MAP4K5: variants seen among roughly 807,000 people sequenced by gnomAD.
The protein encoded by MAP4K5 is MAPK/ERK kinase kinase kinase 5.
Under a neutral mutation model 135.6 loss-of-function variants are expected in MAP4K5, and 82 were observed. The observed-to-expected ratio is 0.60, with a 90% CI of 0.51 to 0.73. The LOEUF (loss-of-function observed/expected upper bound fraction) is 0.73, where lower values mean the gene tolerates loss of function less well. MAP4K5 is among the 30% of genes least tolerant of loss of function. The pLI is 0.00. For synonymous variants in MAP4K5, 347 were observed against 335.0 expected, an observed-to-expected ratio of 1.04 and a Z score of -0.39; for missense variants, 907 against 1,010.9, an observed-to-expected ratio of 0.90 and a Z score of 1.39.
intron 1 of MAP4K5, among the ~76,000 whole-genome samples, chr14:50,558,001 A>T (rs544917486): frequency 6.6e-6 from 1 of 152,374 alleles, no homozygotes; most frequent in African/African-American, 2.4e-5. Context: ...GAATTTAGGC[A>T]TTAAAAAGAA....
chr14:50,470,373 A>G (rs973869897), intron 9 of MAP4K5, among the ~76,000 whole-genome samples: 1 of 152,176 alleles, frequency 6.6e-6, no homozygotes, highest in African/African-American at 2.4e-5. Flanking sequence ...TAGTCAGGAT[A>G]CAAAAAATAG....
chr14:50,558,645 T>A (rs946989114), intron 1 of MAP4K5, among the ~76,000 whole-genome samples: 3 of 152,208 alleles, frequency 2.0e-5, no homozygotes, highest in Non-Finnish European at 4.4e-5. Context: ...TTATATAAAT[T>A]TTTTCTTTTT....
intron 2 of MAP4K5, among the ~76,000 whole-genome samples, chr14:50,516,383 T>C (rs1225956525): frequency 6.6e-6 from 1 of 152,092 alleles, no homozygotes; most frequent in Admixed American, 6.6e-5. Context: ...GGAAAACCAA[T>C]CTAGTGATAT....
chr14:50,536,989 T>G (rs1412596747), upstream of MAP4K5, among the ~76,000 whole-genome samples: 2 of 152,236 alleles, frequency 1.3e-5, no homozygotes, highest in Non-Finnish European at 2.9e-5. Context: ...GAAATTTGCA[T>G]AAGTAACGAA....
At chr14:50,444,898 T>A (rs2036307750) in intron 18 of MAP4K5, 143 bp downstream of exon 18, 2 of 864,054 alleles carry the variant, frequency 2.3e-6, no homozygotes, top group Non-Finnish European at 3.4e-6. Context: ...AGCTTTAAGC[T>A]ATAATAGGAT....
At chr14:50,463,264 C>T (rs539366799) in intron 12 of MAP4K5, among the ~76,000 whole-genome samples, 1 of 152,152 alleles carries the variant, frequency 6.6e-6, no homozygotes, top group African/African-American at 2.4e-5. Flanking sequence ...TAATCACTGA[C>T]TATTTCTAAC....
At position 50,427,733 on chromosome 14, in the gene MAP4K5, T is replaced by A. The variant is rs115111837; in HGVS notation, c.2326+929A>T. Among the ~76,000 whole-genome samples the A allele has an allele frequency of 3.9e-3, 594 of 152,292 alleles. 4 individuals are homozygous for A. The highest frequency in any genetic ancestry group is 0.014 in the African/African-American group (574 of 41,564). ...GATACTGACATATGATCAATGAGCA[T>A]GCAAACAATAATAAACTGTAATAAT... On this transcript the variant is annotated intron_variant, in intron 30 of 32. Coordinates refer to ENST00000682126, the MANE Select transcript of MAP4K5 (RefSeq NM_006575.6).
chr14:50,463,085 A>G (rs191035565), intron 12 of MAP4K5, among the ~76,000 whole-genome samples: 3 of 152,346 alleles, frequency 2.0e-5, no homozygotes, highest in East Asian at 3.9e-4. Context: ...TTCATTACTC[A>G]TATCACTATA....
chr14:50,514,491 T>C (rs1041637160), intron 2 of MAP4K5, among the ~76,000 whole-genome samples: 6 of 152,224 alleles, frequency 3.9e-5, no homozygotes, highest in Admixed American at 1.3e-4. Flanking sequence ...AAACAGTTCC[T>C]GTCTTCCGAA....
chr14:50,430,511 G>C (rs1830724501), intron 28 of MAP4K5, among the ~76,000 whole-genome samples: 1 of 152,182 alleles, frequency 6.6e-6, no homozygotes, highest in Non-Finnish European at 1.5e-5. Flanking sequence ...AGGCAGAAAA[G>C]AGGATTGCCA....
At chr14:50,466,671 AC>A in intron 10 of MAP4K5, 26 bp from the exon 11 acceptor site, 1 of 1,034,974 alleles carries the variant, frequency 9.7e-7, no homozygotes, top group Non-Finnish European at 1.5e-6. Context: ...TAGTTAAAGA[AC>A]AATATCAAAA....
At position 50,531,942 on chromosome 14, in the gene MAP4K5, C is replaced by T. The variant is rs1327008014; in HGVS notation, c.108G>A (p.Lys36=). ...VGSGTYGDVY[K]ARNVHTGELA... is the part of the protein sequence containing the mutation. ...AAAAAGCACGGCCAGCCTCACTTAC[C>T]TTATAGACGTCCCCGTAGGTGCCGC... The change falls in exon 2 of 33, where the codon AAG becomes AAA. Residue 36 remains lysine, a splice_region_variant and synonymous_variant. Transcript: ENST00000682126. The T allele has an allele frequency of 6.3e-7, 1 of 1,591,854 alleles. No individual in the cohort carries two copies. Among genetic ancestry groups the T allele is most frequent in the Non-Finnish European group, 8.6e-7 (1 of 1,168,056 alleles).
At chr14:50,532,277 G>T in intron 1 of MAP4K5, 119 bp from the exon 2 acceptor site, 1 of 471,590 alleles carries the variant, frequency 2.1e-6, no homozygotes, top group Non-Finnish European at 3.7e-6. Context: ...AGAGAAAGGG[G>T]CCTGGAAGGG....
chr14:50,482,130 G>A (rs1355892480), intron 6 of MAP4K5, among the ~76,000 whole-genome samples: 1 of 152,192 alleles, frequency 6.6e-6, no homozygotes, highest in African/African-American at 2.4e-5. Flanking sequence ...TATGATCACT[G>A]TATATGTCGG....
At chr14:50,495,827 G>A (rs1012245527) in intron 3 of MAP4K5, among the ~76,000 whole-genome samples, 1 of 152,196 alleles carries the variant, frequency 6.6e-6, no homozygotes, top group African/African-American at 2.4e-5. Context: ...AATACTGTAT[G>A]ATTCCACTTA....
intron 28 of MAP4K5, among the ~76,000 whole-genome samples, chr14:50,432,547 C>T (rs1411289548): frequency 2.9e-5 from 2 of 69,562 alleles, no homozygotes; most frequent in African/African-American, 1.2e-4. Context: ...AAGCAAACAA[C>T]AAAACTCTCA....
chr14:50,533,535 G>A (rs775681900), upstream of MAP4K5, among the ~76,000 whole-genome samples: 4 of 152,120 alleles, frequency 2.6e-5, no homozygotes, highest in African/African-American at 4.8e-5. Context: ...CTGTTTTGCA[G>A]TTTCAGTTCC....
chr14:50,508,010 T>C (rs191907581), intron 2 of MAP4K5, among the ~76,000 whole-genome samples: 11 of 152,280 alleles, frequency 7.2e-5, no homozygotes. Context: ...TCTAAGGACT[T>C]GCTTCATGAA....
rs766699389 is a variant in MAP4K5, at chr14:50,434,515, A to C, written c.2043T>G (p.Pro681=). Residue 681 remains proline, a synonymous_variant, in exon 28 of 33, where the codon CCT becomes CCG. Transcript: ENST00000682126. ...PLNVFEMLVI[P]EQEYPMVCVA... ...CACAGACCATAGGGTATTCCTGTTC[A>C]GGTATCACCAGCATTTCAAAAACAT... The C allele has an allele frequency of 6.2e-7, 1 of 1,605,350 alleles. No homozygotes were observed. Among genetic ancestry groups the C allele is most frequent in the Non-Finnish European group, 8.5e-7 (1 of 1,175,648 alleles).
Sources: gnomAD v4.1 joint callset for allele counts (sites outside exome capture counted in the v4.1 genomes callset) on GRCh38, gnomAD v4.1.1 for gene constraint, MANE v1.5 for transcripts, NCBI Gene and HGNC (gene_info 2026-07-23, HGNC 2026-07-21) for gene names.